Variants in PLD5 observed in about 807,000 individuals in gnomAD.
The protein encoded by PLD5 is inactive phospholipase D5.
In PLD5, 36 loss-of-function variants were observed where a neutral mutation model predicts 61.1. The ratio of observed to expected loss-of-function variants is 0.59; its 90% CI spans 0.45 to 0.78. The LOEUF is 0.78. Among genes scored for constraint, PLD5 ranks in the 30% least tolerant of loss-of-function variants. The pLI, the probability that PLD5 is intolerant of heterozygous loss-of-function variation, is 0.00. For synonymous variants in PLD5, 243 were observed against 242.8 expected (o/e 1.00, Z -0.01); for missense variants, 515 against 644.4 (o/e 0.80, Z 2.17).
chr1:242,272,570 G>A (rs891931328), intron 3 of PLD5, among the ~76,000 whole-genome samples: 2 of 152,112 alleles, frequency 1.3e-5, no homozygotes, highest in African/African-American at 2.4e-5. Context: ...AAGGAAGTTA[G>A]CAACAAATCA....
At chr1:242,449,102 C>A (rs1271154266) in intron 1 of PLD5, among the ~76,000 whole-genome samples, 1 of 152,182 alleles carries the variant, frequency 6.6e-6, no homozygotes, top group African/African-American at 2.4e-5. Context: ...ACTGTCCTTC[C>A]CTGGCAGAGC....
chr1:242,525,840 AT>A (rs1669432486), upstream of PLD5, among the ~76,000 whole-genome samples: 1 of 152,216 alleles, frequency 6.6e-6, no homozygotes, highest in African/African-American at 2.4e-5. Context: ...ATTTAAAAAA[AT>A]GGTATAGTAA....
At chr1:242,456,465 G>A (rs1469189769) in intron 1 of PLD5, among the ~76,000 whole-genome samples, 2 of 152,132 alleles carry the variant, frequency 1.3e-5, no homozygotes, top group African/African-American at 4.8e-5. Flanking sequence ...GGACAGTGCT[G>A]CCCTAAAGAA....
At chr1:242,488,002 T>G (rs1416838180) in intron 1 of PLD5, among the ~76,000 whole-genome samples, 1 of 152,278 alleles carries the variant, frequency 6.6e-6, no homozygotes, top group East Asian at 1.9e-4. Flanking sequence ...CATGTATGTA[T>G]GTAGGTGTGC....
chr1:242,132,773 G>A (rs893665417), intron 5 of PLD5, among the ~76,000 whole-genome samples: 3 of 152,254 alleles, frequency 2.0e-5, no homozygotes, highest in African/African-American at 7.2e-5. Context: ...TCTACCACAT[G>A]GGAATCATAA....
At chr1:242,438,527 C>T (rs1666120598) in intron 1 of PLD5, among the ~76,000 whole-genome samples, 1 of 151,038 alleles carries the variant, frequency 6.6e-6, no homozygotes, top group South Asian at 2.1e-4. Flanking sequence ...TCACTGCAAC[C>T]TCTGCCTCCT....
chr1:242,216,522 G>A (rs1257540499), intron 5 of PLD5, among the ~76,000 whole-genome samples: 3 of 152,174 alleles, frequency 2.0e-5, no homozygotes, highest in Non-Finnish European at 4.4e-5. Context: ...TCAACCTCAG[G>A]TGCATAATTG....
chr1:242,355,745 C>T (rs1195553184), intron 1 of PLD5, among the ~76,000 whole-genome samples: 1 of 152,106 alleles, frequency 6.6e-6, no homozygotes, highest in African/African-American at 2.4e-5. Flanking sequence ...TACAGACTCA[C>T]CCCTCAGAAC....
chr1:242,403,147 C>A (rs1029341444), intron 1 of PLD5, among the ~76,000 whole-genome samples: 1 of 152,166 alleles, frequency 6.6e-6, no homozygotes, highest in South Asian at 2.1e-4. Flanking sequence ...GGCATGGTTC[C>A]GTACTGGACA....
intron 5 of PLD5, among the ~76,000 whole-genome samples, chr1:242,176,157 G>GAGGC (rs1667126824): frequency 1.3e-5 from 2 of 152,128 alleles, no homozygotes; most frequent in Non-Finnish European, 1.5e-5. Context: ...AATAAAGCTG[G>GAGGC]AGGCATCATG....
intron 1 of PLD5, among the ~76,000 whole-genome samples, chr1:242,375,875 G>A (rs1294802821): frequency 1.3e-5 from 2 of 152,136 alleles, no homozygotes; most frequent in Non-Finnish European, 1.5e-5. Flanking sequence ...GTCGGTGGTT[G>A]AAGTTGCACA....
At chr1:242,141,217 CAG>C (rs1448577086) in intron 5 of PLD5, among the ~76,000 whole-genome samples, 2 of 152,166 alleles carry the variant, frequency 1.3e-5, no homozygotes, top group Admixed American at 6.5e-5. Context: ...CTGCTATGGT[CAG>C]AACCTGCTTG....
chr1:242,239,152 T>A (rs1671830054), intron 4 of PLD5, among the ~76,000 whole-genome samples: 1 of 152,164 alleles, frequency 6.6e-6, no homozygotes, highest in African/African-American at 2.4e-5. Flanking sequence ...ACTAGAAAAT[T>A]GGAACTTGTA....
At chr1:242,522,127 C>T (rs1669299969) in intron 1 of PLD5, among the ~76,000 whole-genome samples, 2 of 151,846 alleles carry the variant, frequency 1.3e-5, no homozygotes, top group South Asian at 4.2e-4. Context: ...TAGAGAAAAA[C>T]ATCAGAATAG....
intron 2 of PLD5, among the ~76,000 whole-genome samples, chr1:242,335,427 A>T (rs757617586): frequency 6.6e-5 from 10 of 152,202 alleles, no homozygotes; most frequent in Non-Finnish European, 1.5e-4. Flanking sequence ...CCATTTGGAG[A>T]TGTAGTTCTA....
chr1:242,458,824 C>T (rs1416391724), intron 1 of PLD5, among the ~76,000 whole-genome samples: 1 of 152,156 alleles, frequency 6.6e-6, no homozygotes, highest in Non-Finnish European at 1.5e-5. Flanking sequence ...TTTGGCTCCC[C>T]GTAGCCTTAC....
At chr1:242,208,011 C>CACACAT (rs1458860883) in intron 5 of PLD5, among the ~76,000 whole-genome samples, 2 of 139,468 alleles carry the variant, frequency 1.4e-5, no homozygotes, top group African/African-American at 2.7e-5. Flanking sequence ...CACACACACA[C>CACACAT]ACACACACAC....
chr1:242,171,241 T>A (rs1229574287), intron 5 of PLD5, among the ~76,000 whole-genome samples: 2 of 152,102 alleles, frequency 1.3e-5, no homozygotes, highest in African/African-American at 2.4e-5. Context: ...TATTCAACAT[T>A]CTTAAAAGAA....
chr1:242,450,079 A>C (rs1024324668), intron 1 of PLD5, among the ~76,000 whole-genome samples: 1 of 152,226 alleles, frequency 6.6e-6, no homozygotes, highest in Non-Finnish European at 1.5e-5. Flanking sequence ...CTTTAAATCT[A>C]GCCTGTGCTG....
Sources: allele counts gnomAD v4.1 joint callset (sites outside exome capture counted in the v4.1 genomes callset), GRCh38; gene constraint gnomAD v4.1.1; transcripts MANE v1.5; gene names NCBI Gene and HGNC (gene_info 2026-07-23, HGNC 2026-07-21).